The following HMCN1 variants were observed in gnomAD, a reference collection of about 807,000 sequenced individuals.
HMCN1 encodes hemicentin 1.
HMCN1 carries 321 observed loss-of-function variants against 625.9 expected under a neutral mutation model. The ratio of observed to expected loss-of-function variants is 0.51; its 90% confidence interval spans 0.47 to 0.56. The LOEUF (loss-of-function observed/expected upper bound fraction) is 0.56. Ranked by LOEUF, HMCN1 falls within the 20% of genes least tolerant of loss-of-function variation. The pLI is 0.00. For missense variants in HMCN1, 6,588 were observed against 6,887.3 expected (o/e 0.96, Z 1.54); for synonymous variants, 2,425 against 2,417.6 (o/e 1.00, Z -0.09).
At chr1:185,799,331 G>C (rs543677742) in intron 1 of HMCN1, among the ~76,000 whole-genome samples, 1 of 152,182 alleles carries the variant, frequency 6.6e-6, no homozygotes, top group African/African-American at 2.4e-5. Flanking sequence ...TCAACCTCCA[G>C]GCCAGTAGAG....
intron 64 of HMCN1, among the ~76,000 whole-genome samples, chr1:186,091,723 CA>C (rs1346405333): frequency 2.0e-5 from 3 of 151,850 alleles, no homozygotes; most frequent in African/African-American, 4.8e-5. Flanking sequence ...CTACACATAC[CA>C]GATTAATTAT....
chr1:185,770,115 A>G (rs922850680), intron 1 of HMCN1, among the ~76,000 whole-genome samples: 1 of 152,126 alleles, frequency 6.6e-6, no homozygotes, highest in African/African-American at 2.4e-5. Flanking sequence ...GTTCTAGTAC[A>G]TTTTATAATG....
intron 25 of HMCN1, among the ~76,000 whole-genome samples, chr1:185,999,196 TAAC>T (rs1378037984): frequency 5.9e-5 from 9 of 152,052 alleles, no homozygotes; most frequent in Non-Finnish European, 1.3e-4. Context: ...ACAGGATTAT[TAAC>T]AATGTCTTAT....
intron 4 of HMCN1, among the ~76,000 whole-genome samples, chr1:185,881,954 C>T (rs1664335941): frequency 6.6e-6 from 1 of 152,092 alleles, no homozygotes; most frequent in South Asian, 2.1e-4. Flanking sequence ...CCTGTACTTC[C>T]TCTTTTAGAT....
At chr1:185,760,951 CA>C (rs1655461329) in intron 1 of HMCN1, among the ~76,000 whole-genome samples, 2 of 152,126 alleles carry the variant, frequency 1.3e-5, no homozygotes, top group African/African-American at 2.4e-5. Flanking sequence ...GATTTGAAAC[CA>C]GTTCATCTCC....
intron 1 of HMCN1, among the ~76,000 whole-genome samples, chr1:185,817,894 A>T (rs1353152588): frequency 1.3e-5 from 2 of 152,146 alleles, no homozygotes; most frequent in Non-Finnish European, 2.9e-5. Flanking sequence ...TCAGGCTTAA[A>T]TACTTTTAGT....
chr1:186,045,590 G>T lies in HMCN1; in HGVS notation c.6305-98G>T, dbSNP rs973890632. On this transcript the variant is annotated intron_variant, in intron 40 of 106. Transcript: ENST00000271588. ...TGATTGTGATCCTATATCTTTAAAA[G>T]AACCAATAAAGGTATTCAGTATATG... 4 of 927,442 alleles carry T rather than the reference G, an allele frequency of 4.3e-6. No individual in the cohort carries two copies. The African/African-American group carries it at 4.9e-5, about 11-fold the overall frequency. 57.5% of individuals were successfully genotyped at this position (927,442 alleles called of 1,614,324 possible). A position where few individuals can be genotyped will look rare whatever the true frequency, so the allele number is the denominator to read the frequency against.
chr1:185,882,893 G>A (rs1664398463), intron 4 of HMCN1, among the ~76,000 whole-genome samples: 1 of 152,048 alleles, frequency 6.6e-6, no homozygotes, highest in African/African-American at 2.4e-5. Context: ...GCAAAAGGTA[G>A]AGTCCTCCAT....
chr1:186,165,862 A>G (rs1447290401), intron 98 of HMCN1, among the ~76,000 whole-genome samples: 2 of 152,214 alleles, frequency 1.3e-5, no homozygotes, highest in African/African-American at 4.8e-5. Flanking sequence ...TAGTAATAAA[A>G]ATACTTATCT....
chr1:186,089,103 A>G (rs1315117263), intron 63 of HMCN1, among the ~76,000 whole-genome samples: 3 of 152,120 alleles, frequency 2.0e-5, no homozygotes, highest in African/African-American at 7.2e-5. Flanking sequence ...TCTTACTTGT[A>G]TAGATAAGAT....
At chr1:186,014,149 C>T (rs1654191423) in intron 30 of HMCN1, among the ~76,000 whole-genome samples, 1 of 152,036 alleles carries the variant, frequency 6.6e-6, no homozygotes, top group South Asian at 2.1e-4. Flanking sequence ...CGTTTGGTAG[C>T]ATGTGATGAA....
chr1:186,117,304 C>A (rs891714206), intron 76 of HMCN1, among the ~76,000 whole-genome samples, 155 bp from the exon 77 acceptor site: 4 of 151,828 alleles, frequency 2.6e-5, no homozygotes, highest in Admixed American at 1.3e-4. Flanking sequence ...ACTTCATCAC[C>A]CAGGTATTAA....
chr1:186,126,769 G>GTCTT (rs1661666591), intron 82 of HMCN1, among the ~76,000 whole-genome samples: 1 of 152,178 alleles, frequency 6.6e-6, no homozygotes. Context: ...ATCATGTCGG[G>GTCTT]TCTTACAGGT....
At chr1:185,892,620 C>CTCGGGGG (rs900723509) in intron 4 of HMCN1, among the ~76,000 whole-genome samples, 4 of 152,140 alleles carry the variant, frequency 2.6e-5, no homozygotes, top group African/African-American at 7.2e-5. Context: ...AGTTAGGCTG[C>CTCGGGGG]TCGGGGGTCG....
chr1:186,083,284 AT>A (rs2102386524), intron 57 of HMCN1, among the ~76,000 whole-genome samples: 1 of 152,244 alleles, frequency 6.6e-6, no homozygotes, highest in South Asian at 2.1e-4. Flanking sequence ...TCTCCTACTC[AT>A]AAAAATCTAT....
intron 4 of HMCN1, among the ~76,000 whole-genome samples, chr1:185,874,866 G>A (rs1571484184): frequency 1.3e-5 from 2 of 151,858 alleles, no homozygotes; most frequent in South Asian, 4.1e-4. Flanking sequence ...TTTAAAATTT[G>A]AATATCAATA....
At position 186,063,096 on chromosome 1, in the gene HMCN1, A is replaced by ATATATATATATATATATATGTATATATG. The variant is rs1185102259; in HGVS notation, c.7513+503_7513+504insATATATATATATGTATATATGTATATAT. On this transcript the variant is annotated intron_variant, in intron 48 of 106. Coordinates refer to ENST00000271588, the MANE Select transcript of HMCN1 (RefSeq NM_031935.3). ...TATATATATATATATATATATATAT[A>ATATATATATATATATATATGTATATATG]TATATATCACATTTTCATTACCCAA... Among the ~76,000 whole-genome samples the ATATATATATATATATATATGTATATATG allele has an allele frequency of 3.5e-5, 4 of 115,404 alleles. No homozygotes were observed. In the East Asian group the frequency reaches 7.9e-4, roughly 23 times the overall value. The allele number at this position is 115,404 out of a possible 152,430, so 75.7% of individuals were successfully genotyped here.
intron 47 of HMCN1, 58 bp from the exon 48 acceptor site, chr1:186,062,456 A>T (rs1350201467): frequency 3.0e-6 from 3 of 1,015,990 alleles, no homozygotes; most frequent in Non-Finnish European, 4.7e-6. Flanking sequence ...ATAAATATCT[A>T]TAAAATAGCA....
chr1:185,888,741 G>A (rs1411729905), intron 4 of HMCN1, among the ~76,000 whole-genome samples: 37 of 146,370 alleles, frequency 2.5e-4, no homozygotes, highest in Admixed American at 5.3e-4. Flanking sequence ...GTCAGGTAGC[G>A]TGATGCCTCC....
Sources: allele counts gnomAD v4.1 joint callset (sites outside exome capture counted in the v4.1 genomes callset), GRCh38; gene constraint gnomAD v4.1.1; transcripts MANE v1.5; gene names NCBI Gene and HGNC (gene_info 2026-07-23, HGNC 2026-07-21).